The following NAV3 variants were observed in gnomAD, a reference collection of about 807,000 sequenced individuals.
NAV3 encodes the protein pore membrane and/or filament interacting like protein 1.
Under a neutral mutation model 244.7 loss-of-function variants are expected in NAV3, and 87 were observed. The observed-to-expected ratio is 0.36, with a 90% CI of 0.30 to 0.42. The LOEUF (loss-of-function observed/expected upper bound fraction) is 0.42. Among genes scored for constraint, NAV3 ranks in the 20% least tolerant of loss-of-function variants. The pLI is 1.00. For synonymous variants in NAV3, 1,126 were observed against 1,042.2 expected (o/e 1.08, Z -1.55); for missense variants, 2,663 against 2,893.3 (o/e 0.92, Z 1.83).
chr12:77,638,957 C>G (rs1408323329), intron 2 of NAV3, among the ~76,000 whole-genome samples: 1 of 152,146 alleles, frequency 6.6e-6, no homozygotes, highest in East Asian at 1.9e-4. Context: ...TACCTCCACT[C>G]TATTCCGCAG....
intron 2 of NAV3, among the ~76,000 whole-genome samples, chr12:77,802,616 T>C (rs1442236363): frequency 6.6e-6 from 1 of 152,162 alleles, no homozygotes; most frequent in East Asian, 1.9e-4. Context: ...GTAAACTATA[T>C]ACACAAAGCC....
chr12:78,078,375 C>CTTTT lies in NAV3; in HGVS notation c.2636+19295_2636+19298dup, dbSNP rs71088356. Among the ~76,000 whole-genome samples, 24 of 67,842 alleles carry CTTTT rather than the reference C, an allele frequency of 3.5e-4. 5 individuals carry two copies. Among genetic ancestry groups the CTTTT allele is most frequent in the African/African-American group, 1.1e-3 (18 of 16,562 alleles). The allele number at this position is 67,842 out of a possible 152,430, so 44.5% of individuals were successfully genotyped here. On this transcript the variant is annotated intron_variant, in intron 12 of 39. Coordinates refer to ENST00000397909, the MANE Select transcript of NAV3 (RefSeq NM_001024383.2). The stretch of plus-strand genomic sequence containing the variant: ...AGAGTTGCATTTCACTCTTTCCACT[C>CTTTT]TTTTTTTTTTTTTTTTTTTTTTTTT...
At chr12:77,835,176 A>G (rs996923277) in intron 1 of NAV3, among the ~76,000 whole-genome samples, 1 of 152,148 alleles carries the variant, frequency 6.6e-6, no homozygotes. Flanking sequence ...ACTTAATTAA[A>G]AAGATACACC....
intron 19 of NAV3, 57 bp downstream of exon 19, chr12:78,137,422 ACC>A: frequency 6.7e-7 from 1 of 1,490,962 alleles, no homozygotes; most frequent in Middle Eastern, 2.1e-4. Context: ...TGAGAGGGAA[ACC>A]ATTGTGTCAC....
chr12:77,885,727 C>T lies in NAV3; in HGVS notation c.243+54023C>T, dbSNP rs375998671. Among the ~76,000 whole-genome samples the T allele has an allele frequency of 1.8e-4, 28 of 152,164 alleles. 1 individual carries two copies. In the South Asian group the frequency reaches 5.4e-3, roughly 29 times the overall value. ...GATGCACTTCAATACATTAGAGTGT[C>T]CACATTCTTAAAAGAACATTGCTTG... On this transcript the variant is annotated intron_variant, in intron 1 of 39. Coordinates refer to ENST00000397909, the MANE Select transcript of NAV3 (RefSeq NM_001024383.2).
chr12:77,708,735 T>C (rs1170599968), intron 2 of NAV3, among the ~76,000 whole-genome samples: 3 of 152,218 alleles, frequency 2.0e-5, no homozygotes, highest in African/African-American at 4.8e-5. Context: ...TTTTATGTTG[T>C]TGAGCAGTGG....
chr12:77,732,969 A>G (rs1320722486), intron 2 of NAV3, among the ~76,000 whole-genome samples: 2 of 152,096 alleles, frequency 1.3e-5, no homozygotes, highest in Admixed American at 1.3e-4. Flanking sequence ...AAACTGGTTC[A>G]TGAAGAGCCT....
At chr12:77,713,511 A>G (rs528152430) in intron 2 of NAV3, among the ~76,000 whole-genome samples, 3 of 152,314 alleles carry the variant, frequency 2.0e-5, no homozygotes, top group African/African-American at 7.2e-5. Context: ...TTTAAGTGAA[A>G]GTGAATGAAT....
At chr12:78,014,401 G>A (rs1173419807) in intron 8 of NAV3, among the ~76,000 whole-genome samples, 1 of 152,054 alleles carries the variant, frequency 6.6e-6, no homozygotes, top group Non-Finnish European at 1.5e-5. Flanking sequence ...AAGGAGAAAA[G>A]TATCATGCTT....
intron 24 of NAV3, among the ~76,000 whole-genome samples, chr12:78,174,891 C>T (rs952989586): frequency 1.3e-5 from 2 of 152,018 alleles, no homozygotes; most frequent in African/African-American, 4.8e-5. Flanking sequence ...GCTCTAGTAA[C>T]TGTATTTGAA....
chr12:78,160,918 T>G (rs750218244), intron 23 of NAV3, among the ~76,000 whole-genome samples: 3 of 151,578 alleles, frequency 2.0e-5, no homozygotes, highest in Non-Finnish European at 4.4e-5. Flanking sequence ...CTCTTTTCTA[T>G]CCTTCCTTTC....
At chr12:77,690,634 G>A (rs1874962658) in intron 2 of NAV3, among the ~76,000 whole-genome samples, 2 of 150,588 alleles carry the variant, frequency 1.3e-5, no homozygotes, top group African/African-American at 2.4e-5. Flanking sequence ...GCTCAACTCT[G>A]TCATATAATA....
chr12:78,204,368 TA>T (rs1214446089), intron 38 of NAV3, among the ~76,000 whole-genome samples: 1 of 151,976 alleles, frequency 6.6e-6, no homozygotes, highest in African/African-American at 2.4e-5. Context: ...TAAAATAAGA[TA>T]AAAAAGAGTT....
intron 24 of NAV3, among the ~76,000 whole-genome samples, chr12:78,171,391 T>C (rs747176657): frequency 1.1e-4 from 17 of 151,696 alleles, no homozygotes; most frequent in Non-Finnish European, 2.2e-4. Flanking sequence ...AGGCAACAGG[T>C]AGCTGAATAT....
intron 2 of NAV3, among the ~76,000 whole-genome samples, chr12:77,741,865 A>G (rs1330879932): frequency 1.3e-5 from 2 of 152,238 alleles, no homozygotes; most frequent in Non-Finnish European, 2.9e-5. Context: ...ATTGATGCTT[A>G]TACAAAAGAA....
intron 1 of NAV3, among the ~76,000 whole-genome samples, chr12:77,931,069 T>TA (rs1888736223): frequency 6.6e-6 from 1 of 150,476 alleles, no homozygotes; most frequent in Admixed American, 6.6e-5. Flanking sequence ...AATTCTTTCC[T>TA]ATAATTTTTT....
intron 24 of NAV3, 141 bp from the exon 25 acceptor site, chr12:78,175,165 A>G: frequency 1.2e-6 from 1 of 803,550 alleles, no homozygotes; most frequent in Non-Finnish European, 1.9e-6. Flanking sequence ...TAAACTTCTA[A>G]AGTCAAAACT....
intron 29 of NAV3, among the ~76,000 whole-genome samples, chr12:78,180,434 C>T (rs924336385): frequency 1.3e-4 from 20 of 151,996 alleles, no homozygotes; most frequent in African/African-American, 4.6e-4. Flanking sequence ...AATTTTAAAT[C>T]ACCTTATTGA....
chr12:78,058,078 C>CTCT (rs1220982833), intron 11 of NAV3, among the ~76,000 whole-genome samples: 1 of 152,160 alleles, frequency 6.6e-6, no homozygotes, highest in Admixed American at 6.5e-5. Context: ...TTTAGATTCT[C>CTCT]TGTGTGTGCA....
Sources: allele counts gnomAD v4.1 joint callset (sites outside exome capture counted in the v4.1 genomes callset), GRCh38; gene constraint gnomAD v4.1.1; transcripts MANE v1.5; gene names NCBI Gene and HGNC (gene_info 2026-07-23, HGNC 2026-07-21).